Variants in QRFPR observed in about 807,000 individuals in gnomAD.
QRFPR encodes the protein pyroglutamylated RF-amide peptide receptor.
A neutral mutation model predicts 31.3 loss-of-function variants in QRFPR; 37 were observed. That is an observed-to-expected ratio of 1.18 (90% confidence interval 0.91 to 1.56). The LOEUF (loss-of-function observed/expected upper bound fraction) is 1.56, where lower values mean the gene tolerates loss of function less well. QRFPR is among the 40% of genes most tolerant of loss of function. QRFPR has a pLI of 0.00. For synonymous variants in QRFPR, 197 were observed against 192.0 expected, an observed-to-expected ratio of 1.03 and a Z score of -0.22; for missense variants, 542 against 532.5, an observed-to-expected ratio of 1.02 and a Z score of -0.18.
chr4:121,347,720 A>G (rs996182206), intron 1 of QRFPR, among the ~76,000 whole-genome samples: 34 of 152,052 alleles, frequency 2.2e-4, no homozygotes, highest in Non-Finnish European at 2.1e-4. Context: ...TCTTTTATCT[A>G]TAACTTTACA....
At chr4:121,365,808 A>G (rs1223930091) in intron 1 of QRFPR, among the ~76,000 whole-genome samples, 1 of 141,240 alleles carries the variant, frequency 7.1e-6, no homozygotes, top group Non-Finnish European at 1.5e-5. Context: ...TGTAGACATT[A>G]CAGTAAAGAA....
chr4:121,377,498 T>C (rs1345591519), intron 1 of QRFPR, among the ~76,000 whole-genome samples: 3 of 151,994 alleles, frequency 2.0e-5, no homozygotes, highest in Non-Finnish European at 4.4e-5. Context: ...ATTCTTGCAA[T>C]GCCTTGCACG....
At chr4:121,339,913 C>A (rs984444829) in intron 2 of QRFPR, among the ~76,000 whole-genome samples, 6 of 151,900 alleles carry the variant, frequency 3.9e-5, no homozygotes, top group Non-Finnish European at 4.4e-5. Context: ...TGTGATCACA[C>A]CACTGCACTC....
rs535860691 is a variant in QRFPR at position 121,328,916 on chromosome 4, C to T, written c.*398G>A. ...GACTACAGGTGCCCGCCACCACGCC[C>T]GGCTAATTTTTGTATTTTTAGCAGA... is the stretch of plus-strand genomic sequence containing the variant. On this transcript the variant is annotated 3_prime_UTR_variant, in exon 6 of 6. Coordinates refer to ENST00000394427, the MANE Select transcript of QRFPR (RefSeq NM_198179.3). Among the ~76,000 whole-genome samples the T allele has an allele frequency of 2.2e-4, 34 of 152,206 alleles. No individual in the cohort carries two copies. The highest frequency in any genetic ancestry group is 8.3e-4 in the South Asian group (4 of 4,808).
intron 2 of QRFPR, among the ~76,000 whole-genome samples, chr4:121,338,433 A>G (rs566356868): frequency 2.0e-5 from 3 of 152,210 alleles, no homozygotes; most frequent in Non-Finnish European, 4.4e-5. Flanking sequence ...TCCAATCTGC[A>G]TGTGGCCTAG....
intron 1 of QRFPR, among the ~76,000 whole-genome samples, chr4:121,352,732 A>G (rs1418812645): frequency 2.0e-5 from 3 of 152,016 alleles, no homozygotes; most frequent in African/African-American, 7.2e-5. Context: ...GGAACATTCC[A>G]ATTCCACTCT....
At chr4:121,363,657 G>A (rs974432287) in intron 1 of QRFPR, among the ~76,000 whole-genome samples, 4 of 150,280 alleles carry the variant, frequency 2.7e-5, no homozygotes, top group Admixed American at 2.6e-4. Context: ...CATATGGTAA[G>A]AGTAAGAGTG....
chr4:121,335,393 G>A (rs1488777688), intron 3 of QRFPR, among the ~76,000 whole-genome samples: 1 of 152,018 alleles, frequency 6.6e-6, no homozygotes, highest in African/African-American at 2.4e-5. Flanking sequence ...GAGCTGGCAT[G>A]ATCCCTTGCC....
At chr4:121,378,617 G>A (rs1237154509) in intron 1 of QRFPR, among the ~76,000 whole-genome samples, 2 of 151,884 alleles carry the variant, frequency 1.3e-5, no homozygotes, top group Non-Finnish European at 2.9e-5. Context: ...TAGAGACGGG[G>A]TTTCACCGTG....
At position 121,329,397 on chromosome 4, in the gene QRFPR, CT is replaced by C; in HGVS notation, c.1212del (p.Glu405ArgfsTer23). On this transcript the variant is annotated frameshift_variant, in exon 6 of 6. Coordinates refer to ENST00000394427, the MANE Select transcript of QRFPR (RefSeq NM_198179.3). LOFTEE classifies it low-confidence loss of function (END_TRUNC). ...TGTCGTTTGAGCTTTTTCTTCTCCTCTGTCTGTTCACACAATTTGACTTCAA... is the reference window on the plus strand; with the variant it reads ...TGTCGTTTGAGCTTTTTCTTCTCCTCGTCTGTTCACACAATTTGACTTCAA... Reference protein sequence around the residue: ...GNIEVKLCEQTEEKKKLKRHL... With the variant: ...GNIEVKLCEQXEEKKKLKRHL... 2 of 1,614,120 alleles carry C rather than the reference CT, an allele frequency of 1.2e-6. No individual in the cohort carries two copies. Among genetic ancestry groups the C allele is most frequent in the Non-Finnish European group, 1.7e-6 (2 of 1,179,978 alleles).
At position 121,329,720 on chromosome 4, in the gene QRFPR, A is replaced by G. The variant is rs2110465121; in HGVS notation, c.896-6T>C. ...ATATTCCTTTTCAAAATTACCTGAAATAAAGTAATATTTTAGAATGTACGT... is the reference window on the plus strand; with the variant it reads ...ATATTCCTTTTCAAAATTACCTGAAGTAAAGTAATATTTTAGAATGTACGT... On this transcript the variant is annotated splice_polypyrimidine_tract_variant and splice_region_variant and intron_variant, in intron 5 of 5. Coordinates refer to ENST00000394427, the MANE Select transcript of QRFPR (RefSeq NM_198179.3). 3.4e-6 allele frequency: 5 copies of G among 1,474,474 alleles called. No homozygotes were observed. The highest frequency in any genetic ancestry group is 4.6e-6 in the Non-Finnish European group (5 of 1,098,054). The allele number at this position is 1,474,474 out of a possible 1,614,324, so 91.3% of individuals were successfully genotyped here. A position where few individuals can be genotyped will look rare whatever the true frequency, so the allele number is the denominator to read the frequency against.
rs946228953 is a variant in QRFPR, at chr4:121,329,767, A to G, written c.896-53T>C. On this transcript the variant is annotated intron_variant, in intron 5 of 5. Transcript: ENST00000394427. ...ACGTTTATTTTAAGGAGTATAAAAT[A>G]AAACTTCTGTTTGTCACCTGTCAAA... 2.4e-6 allele frequency: 3 copies of G among 1,253,486 alleles called. No homozygotes were observed. The African/African-American group carries it at 4.6e-5, about 19-fold the overall frequency. The allele number at this position is 1,253,486 out of a possible 1,614,324, so 77.6% of individuals were successfully genotyped here.
At chr4:121,339,540 T>C (rs975777588) in intron 2 of QRFPR, among the ~76,000 whole-genome samples, 13 of 152,230 alleles carry the variant, frequency 8.5e-5, no homozygotes, top group African/African-American at 3.1e-4. Context: ...CAGAACCCAC[T>C]GTTCTCATGT....
At chr4:121,365,000 T>G (rs947275618) in intron 1 of QRFPR, among the ~76,000 whole-genome samples, 1 of 149,872 alleles carries the variant, frequency 6.7e-6, no homozygotes, top group South Asian at 2.1e-4. Flanking sequence ...AGCTGTTTTT[T>G]GGGGTTCCAT....
intron 2 of QRFPR, among the ~76,000 whole-genome samples, chr4:121,338,128 A>G (rs905666641): frequency 6.6e-6 from 1 of 152,178 alleles, no homozygotes; most frequent in Non-Finnish European, 1.5e-5. Flanking sequence ...AGGACTCACA[A>G]GTCTGTCTGT....
rs1030464752 is a variant in QRFPR, at chr4:121,335,569, T to C, written c.561+1238A>G. ...CTGATGAGAGAGAGGCAGCCAATTG[T>C]ATGGGGGGTGGGGGGTGGGGCGGGG... On this transcript the variant is annotated intron_variant, in intron 3 of 5. Transcript: ENST00000394427. 5.1e-4 allele frequency among the ~76,000 whole-genome samples: 7 copies of C among 13,648 alleles called. No individual in the cohort carries two copies. In the East Asian group the frequency reaches 0.023, roughly 45 times the overall value. The allele number at this position is 13,648 out of a possible 152,430, so 9.0% of individuals were successfully genotyped here. A position where few individuals can be genotyped will look rare whatever the true frequency, so the allele number is the denominator to read the frequency against.
intron 1 of QRFPR, chr4:121,369,503 C>G: frequency 7.0e-7 from 1 of 1,423,562 alleles, no homozygotes. Flanking sequence ...CTGTTTCCTC[C>G]CTTCCGTCAC....
chr4:121,361,616 A>G (rs1725993566), intron 1 of QRFPR, among the ~76,000 whole-genome samples: 1 of 150,188 alleles, frequency 6.7e-6, no homozygotes, highest in South Asian at 2.1e-4. Flanking sequence ...TTGATTCAGT[A>G]GGTATGTGAT....
chr4:121,377,217 A>G (rs1398471211), intron 1 of QRFPR, among the ~76,000 whole-genome samples: 2 of 152,156 alleles, frequency 1.3e-5, no homozygotes, highest in Non-Finnish European at 2.9e-5. Context: ...CAAGAACAAC[A>G]ACAAAAGAAG....
Sources: gnomAD v4.1 joint callset for allele counts (sites outside exome capture counted in the v4.1 genomes callset) on GRCh38, gnomAD v4.1.1 for gene constraint, MANE v1.5 for transcripts, NCBI Gene and HGNC (gene_info 2026-07-23, HGNC 2026-07-21) for gene names.